Variants in PSMD1 observed in about 807,000 individuals in gnomAD.
PSMD1 encodes 26S proteasome non-ATPase regulatory subunit 1.
PSMD1 carries 18 observed loss-of-function variants against 119.0 expected under a neutral mutation model. The observed-to-expected ratio is 0.15, with a 90% CI of 0.10 to 0.22. The LOEUF (loss-of-function observed/expected upper bound fraction) is 0.22, where lower values mean the gene tolerates loss of function less well. Among genes scored for constraint, PSMD1 ranks in the 10% least tolerant of loss-of-function variants. PSMD1 has a pLI of 1.00. For missense variants in PSMD1, 702 were observed against 1,158.5 expected, an observed-to-expected ratio of 0.61 and a Z score of 5.72; for synonymous variants, 374 against 396.6, an observed-to-expected ratio of 0.94 and a Z score of 0.68.
intron 23 of PSMD1, among the ~76,000 whole-genome samples, chr2:231,166,800 C>G (rs746301655): frequency 3.9e-5 from 6 of 152,112 alleles, no homozygotes; most frequent in Non-Finnish European, 8.8e-5. Flanking sequence ...TCTTATCAAC[C>G]TGATGGTGGG....
At chr2:231,077,831 C>T (rs1435817811) in intron 9 of PSMD1, among the ~76,000 whole-genome samples, 3 of 152,134 alleles carry the variant, frequency 2.0e-5, no homozygotes, top group Non-Finnish European at 2.9e-5. Context: ...AATGATTAAA[C>T]AGTTGTTTGA....
At chr2:231,083,260 C>T (rs1481068028) in intron 13 of PSMD1, among the ~76,000 whole-genome samples, 2 of 152,162 alleles carry the variant, frequency 1.3e-5, no homozygotes, top group Non-Finnish European at 2.9e-5. Context: ...CTGCTTACTC[C>T]ATACTGCTTG....
At chr2:231,150,421 TATAG>T (rs1696350573) in intron 18 of PSMD1, among the ~76,000 whole-genome samples, 1 of 151,352 alleles carries the variant, frequency 6.6e-6, no homozygotes, top group African/African-American at 2.4e-5. Flanking sequence ...TAGACATATA[TATAG>T]AGACATATAG....
At chr2:231,158,889 T>C (rs989141044) in intron 19 of PSMD1, among the ~76,000 whole-genome samples, 8 of 152,230 alleles carry the variant, frequency 5.3e-5, no homozygotes, top group Admixed American at 1.3e-4. Flanking sequence ...ACAATAAATG[T>C]ATATAATTCA....
intron 16 of PSMD1, among the ~76,000 whole-genome samples, chr2:231,092,132 A>C (rs557029626): frequency 3.0e-4 from 45 of 152,190 alleles, no homozygotes; most frequent in Non-Finnish European, 4.7e-4. Flanking sequence ...AAGGTTTTAT[A>C]AGTGTGCCTA....
rs60709158 is a variant in PSMD1 at position 231,139,314 on chromosome 2, CTTTTTTT to C, written c.1998+481_1998+487del. 8.3e-4 allele frequency among the ~76,000 whole-genome samples: 78 copies of C among 93,542 alleles called. No homozygotes were observed. In the South Asian group the frequency reaches 0.021, roughly 25 times the overall value. The allele number at this position is 93,542 out of a possible 152,430, so 61.4% of individuals were successfully genotyped here. On this transcript the variant is annotated intron_variant, in intron 17 of 24. Coordinates refer to ENST00000308696, the MANE Select transcript of PSMD1 (RefSeq NM_002807.4). Reference sequence around the variant, plus strand: ...CCACCGCACCAGGCTTTTTTTCTTTCTTTTTTTTTTTTTTTTTTTTTTTCTTTTGAGT... The same window carrying C: ...CCACCGCACCAGGCTTTTTTTCTTTCTTTTTTTTTTTTTTTTCTTTTGAGT...
rs544363094 is a variant in PSMD1 at position 231,130,035 on chromosome 2, G to A, written c.1884-8701G>A. On this transcript the variant is annotated intron_variant, in intron 16 of 24. Transcript: ENST00000308696. ...CGCCCAGCTAATTTTTATATTTTTA[G>A]TAGAGACGGGCTTCACTGTGTTGGC... Among the ~76,000 whole-genome samples, 32 of 152,180 alleles carry A rather than the reference G, an allele frequency of 2.1e-4. 1 individual carries two copies. In the East Asian group the frequency reaches 2.7e-3, roughly 13 times the overall value.
At chr2:231,092,393 A>G (rs536126799) in intron 16 of PSMD1, among the ~76,000 whole-genome samples, 7 of 152,272 alleles carry the variant, frequency 4.6e-5, no homozygotes, top group South Asian at 4.2e-4. Flanking sequence ...AAACATATGG[A>G]TGGGTAGTGC....
intron 16 of PSMD1, among the ~76,000 whole-genome samples, chr2:231,127,355 G>C (rs1371859917): frequency 6.6e-6 from 1 of 150,964 alleles, no homozygotes; most frequent in East Asian, 1.9e-4. Flanking sequence ...TTTTGTGTTT[G>C]TTTTTGTTTT....
At chr2:231,064,256 CAG>C (rs1369288818) in intron 4 of PSMD1, among the ~76,000 whole-genome samples, 1 of 152,178 alleles carries the variant, frequency 6.6e-6, no homozygotes, top group African/African-American at 2.4e-5. Context: ...GTATACAAAA[CAG>C]AATTTGGGTA....
intron 16 of PSMD1, among the ~76,000 whole-genome samples, chr2:231,090,195 C>T (rs1483220196): frequency 2.6e-5 from 4 of 152,174 alleles, no homozygotes; most frequent in African/African-American, 9.7e-5. Context: ...GCCTGTGGAT[C>T]GAGGAGTAAT....
intron 16 of PSMD1, among the ~76,000 whole-genome samples, chr2:231,090,552 C>T (rs574455890): frequency 4.6e-5 from 7 of 152,236 alleles, no homozygotes; most frequent in African/African-American, 1.7e-4. Flanking sequence ...AAGCAAGACT[C>T]CATCTCAAAA....
intron 16 of PSMD1, among the ~76,000 whole-genome samples, chr2:231,119,431 G>A (rs1185626066): frequency 6.6e-6 from 1 of 152,148 alleles, no homozygotes; most frequent in Non-Finnish European, 1.5e-5. Context: ...GAAATAATAA[G>A]TGACTTGCCT....
chr2:231,149,469 TA>T (rs930864565), intron 18 of PSMD1, among the ~76,000 whole-genome samples: 8 of 152,024 alleles, frequency 5.3e-5, no homozygotes, highest in African/African-American at 1.2e-4. Flanking sequence ...ACCCTATCTC[TA>T]AAAAACAAAC....
chr2:231,079,126 A>G (rs907328389), intron 10 of PSMD1, among the ~76,000 whole-genome samples: 1 of 152,102 alleles, frequency 6.6e-6, no homozygotes, highest in Non-Finnish European at 1.5e-5. Context: ...CTGTGTTAAC[A>G]TTGTTGTAGA....
At position 231,066,888 on chromosome 2, in the gene PSMD1, A is replaced by T; in HGVS notation, c.305-18A>T. 6.4e-7 allele frequency: 1 copy of T among 1,559,072 alleles called. No individual in the cohort carries two copies. On this transcript the variant is annotated intron_variant, in intron 4 of 24. Coordinates refer to ENST00000308696, the MANE Select transcript of PSMD1 (RefSeq NM_002807.4). The stretch of plus-strand genomic sequence containing the variant: ...AGCCCAATTTACAAGATAATCAGTT[A>T]TTTTATTTCCTCAACAGCAAAATGC...
chr2:231,165,329 C>T, intron 22 of PSMD1, 43 bp downstream of exon 22: 1 of 1,521,694 alleles, frequency 6.6e-7, no homozygotes, highest in South Asian at 1.2e-5. Context: ...GTATCTCTGT[C>T]TCTGTCATGG....
intron 17 of PSMD1, 143 bp downstream of exon 17, chr2:231,138,993 C>G (rs1163819950): frequency 1.4e-6 from 1 of 730,474 alleles, no homozygotes; most frequent in South Asian, 1.5e-5. Context: ...TCCCAGTACT[C>G]CCTCATTCTG....
At chr2:231,153,420 CT>C in intron 18 of PSMD1, 143 bp from the exon 19 acceptor site, 1 of 636,426 alleles carries the variant, frequency 1.6e-6, no homozygotes, top group Non-Finnish European at 2.7e-6. Flanking sequence ...ACTGCTCTGC[CT>C]TCAAGTCTGG....
Sources: gnomAD v4.1 joint callset for allele counts (sites outside exome capture counted in the v4.1 genomes callset) on GRCh38, gnomAD v4.1.1 for gene constraint, MANE v1.5 for transcripts, NCBI Gene and HGNC (gene_info 2026-07-23, HGNC 2026-07-21) for gene names.